CDK19: variants seen among roughly 807,000 people sequenced by gnomAD.
CDK19 encodes cyclin-dependent kinase 19.
CDK19 carries 20 observed loss-of-function variants against 68.3 expected under a neutral mutation model. That is an observed-to-expected ratio of 0.29 (90% CI 0.21 to 0.43). The LOEUF is 0.43. Ranked by LOEUF, CDK19 falls within the 20% of genes least tolerant of loss-of-function variation. The pLI is 1.00. For missense variants in CDK19, 339 were observed against 623.5 expected, an observed-to-expected ratio of 0.54 and a Z score of 4.86; for synonymous variants, 221 against 222.8, an observed-to-expected ratio of 0.99 and a Z score of 0.07.
intron 2 of CDK19, among the ~76,000 whole-genome samples, chr6:110,708,755 G>A (rs943935104): frequency 6.6e-6 from 1 of 152,092 alleles, no homozygotes; most frequent in Non-Finnish European, 1.5e-5. Context: ...GGGTGTTTCA[G>A]CAAAAAACTG....
In CDK19 at chr6:110,801,105, G is replaced by A. The variant is rs115891481; in HGVS notation, c.128+13904C>T. On this transcript the variant is annotated intron_variant, in intron 1 of 12. Coordinates refer to ENST00000368911, the MANE Select transcript of CDK19 (RefSeq NM_015076.5). ...GATAAACGACTTCAGTACAGTTTCA[G>A]GATAAAAAATCAACATATAAAAATC... is the stretch of plus-strand genomic sequence containing the variant. 3.4e-3 allele frequency among the ~76,000 whole-genome samples: 512 copies of A among 152,202 alleles called. 2 individuals carry two copies. Among genetic ancestry groups the A allele is most frequent in the African/African-American group, 0.012 (482 of 41,536 alleles).
At chr6:110,728,280 T>C (rs1381958796) in intron 2 of CDK19, among the ~76,000 whole-genome samples, 3 of 134,152 alleles carry the variant, frequency 2.2e-5, no homozygotes, top group South Asian at 2.3e-4. Flanking sequence ...AGAGCAAGAC[T>C]CCATCTCAAA....
At chr6:110,769,040 A>C (rs1779792727) in intron 1 of CDK19, among the ~76,000 whole-genome samples, 1 of 150,430 alleles carries the variant, frequency 6.6e-6, no homozygotes, top group Admixed American at 6.7e-5. Context: ...CTGTAGTCTC[A>C]GCTACTCGGG....
intron 2 of CDK19, among the ~76,000 whole-genome samples, chr6:110,687,608 G>C (rs543838745): frequency 6.6e-6 from 1 of 152,116 alleles, no homozygotes; most frequent in Non-Finnish European, 1.5e-5. Context: ...ACACAGAGGG[G>C]GATGAGCTTC....
chr6:110,676,868 C>T (rs1316431604), intron 2 of CDK19, among the ~76,000 whole-genome samples: 1 of 152,262 alleles, frequency 6.6e-6, no homozygotes. Flanking sequence ...TGGTCTGGAA[C>T]CAAACTTGCA....
At chr6:110,623,831 C>T (rs1316697071) in intron 8 of CDK19, among the ~76,000 whole-genome samples, 3 of 145,966 alleles carry the variant, frequency 2.1e-5, no homozygotes, top group East Asian at 3.9e-4. Flanking sequence ...TACATATACA[C>T]ATATATATAC....
intron 10 of CDK19, among the ~76,000 whole-genome samples, 172 bp downstream of exon 10, chr6:110,622,643 C>T (rs1778789621): frequency 6.6e-6 from 1 of 152,214 alleles, no homozygotes; most frequent in Non-Finnish European, 1.5e-5. Flanking sequence ...TTTCATTCAT[C>T]CCTCTCTGCA....
At chr6:110,626,109 A>T (rs578145847) in intron 8 of CDK19, among the ~76,000 whole-genome samples, 87 of 152,328 alleles carry the variant, frequency 5.7e-4, no homozygotes, top group African/African-American at 2.1e-3. Context: ...CATTACTCAG[A>T]TAAAGATAAA....
At chr6:110,798,290 A>C (rs575926261) in intron 1 of CDK19, among the ~76,000 whole-genome samples, 1 of 152,164 alleles carries the variant, frequency 6.6e-6, no homozygotes, top group East Asian at 1.9e-4. Context: ...AAAGTAAAAA[A>C]TCCTAAGAGA....
At chr6:110,719,972 G>GCTCCCCCCCCCCCCCCCCCCCCCCCCCC (rs1554211507) in intron 2 of CDK19, among the ~76,000 whole-genome samples, 1 of 45,520 alleles carries the variant, frequency 2.2e-5, no homozygotes, top group Non-Finnish European at 4.2e-5. Flanking sequence ...CTTGTGATCC[G>GCTCCCCCCCCCCCCCCCCCCCCCCCCCC]CCCCCCCCCC....
intron 1 of CDK19, among the ~76,000 whole-genome samples, chr6:110,811,897 A>G (rs1314546418): frequency 6.8e-6 from 1 of 147,356 alleles, no homozygotes; most frequent in South Asian, 2.1e-4. Context: ...TTTTTTTTTT[A>G]AAGTAAAAGA....
chr6:110,640,578 C>A (rs1311816700), intron 4 of CDK19, among the ~76,000 whole-genome samples: 5 of 152,020 alleles, frequency 3.3e-5, no homozygotes, highest in Non-Finnish European at 7.4e-5. Context: ...AATAATGGTG[C>A]CTTTCATGGA....
intron 2 of CDK19, among the ~76,000 whole-genome samples, chr6:110,740,506 C>A (rs183480912): frequency 4.5e-4 from 69 of 152,254 alleles, no homozygotes; most frequent in Admixed American, 8.5e-4. Context: ...ACATGACATT[C>A]TTTTTTAGTG....
chr6:110,688,750 A>G (rs1363504458), intron 2 of CDK19, among the ~76,000 whole-genome samples: 2 of 152,196 alleles, frequency 1.3e-5, no homozygotes, highest in Non-Finnish European at 2.9e-5. Context: ...GCATTCTCCA[A>G]TGCAGACTGA....
At chr6:110,809,960 T>C (rs1414121725) in intron 1 of CDK19, among the ~76,000 whole-genome samples, 2 of 152,122 alleles carry the variant, frequency 1.3e-5, no homozygotes, top group South Asian at 2.1e-4. Context: ...GGAAAGCTAT[T>C]TGAGTTGGGT....
chr6:110,624,263 C>T (rs960484573), intron 8 of CDK19, among the ~76,000 whole-genome samples: 1 of 151,998 alleles, frequency 6.6e-6, no homozygotes, highest in Non-Finnish European at 1.5e-5. Flanking sequence ...GTGGGGCACA[C>T]AGGGTACTTT....
intron 1 of CDK19, among the ~76,000 whole-genome samples, chr6:110,771,323 G>C (rs1344318394): frequency 6.6e-6 from 1 of 152,138 alleles, no homozygotes; most frequent in Non-Finnish European, 1.5e-5. Context: ...CTTGACTTCT[G>C]TGCACCCACA....
intron 4 of CDK19, among the ~76,000 whole-genome samples, chr6:110,655,404 T>A (rs1318388655): frequency 1.3e-5 from 2 of 152,032 alleles, no homozygotes; most frequent in Admixed American, 1.3e-4. Context: ...ATCCTCTATA[T>A]GCTAATGGCA....
intron 1 of CDK19, among the ~76,000 whole-genome samples, chr6:110,759,982 T>C (rs1421727892): frequency 6.6e-6 from 1 of 152,142 alleles, no homozygotes. Flanking sequence ...CATTTTTCCA[T>C]TTACCATTAA....
Sources: gnomAD v4.1 joint callset for allele counts (sites outside exome capture counted in the v4.1 genomes callset) on GRCh38, gnomAD v4.1.1 for gene constraint, MANE v1.5 for transcripts, NCBI Gene and HGNC (gene_info 2026-07-23, HGNC 2026-07-21) for gene names.